Variants in MBTD1 observed in about 807,000 individuals in gnomAD.
The protein encoded by MBTD1 is MBT domain-containing protein 1.
MBTD1 carries 24 observed loss-of-function variants against 87.8 expected under a neutral mutation model. That is an observed-to-expected ratio of 0.27 (90% CI 0.20 to 0.38). MBTD1 has a LOEUF of 0.38. Among genes scored for constraint, MBTD1 ranks in the 10% least tolerant of loss-of-function variants. MBTD1 has a pLI of 1.00. For synonymous variants in MBTD1, 237 were observed against 248.6 expected (o/e 0.95, Z 0.44); for missense variants, 436 against 760.2 (o/e 0.57, Z 5.02).
At chr17:51,229,149 G>C (rs1380886770) in intron 2 of MBTD1, among the ~76,000 whole-genome samples, 1 of 152,162 alleles carries the variant, frequency 6.6e-6, no homozygotes, top group East Asian at 1.9e-4. Context: ...GGGCAACATA[G>C]GGAGACCCTA....
intron 12 of MBTD1, among the ~76,000 whole-genome samples, chr17:51,197,038 CAA>C (rs1491319502): frequency 1.3e-3 from 131 of 103,138 alleles, no homozygotes; most frequent in African/African-American, 3.6e-3. Context: ...ATTATATATA[CAA>C]GATATATATA....
intron 2 of MBTD1, among the ~76,000 whole-genome samples, chr17:51,237,318 AAAAG>A (rs1381211699): frequency 6.6e-6 from 1 of 151,670 alleles, no homozygotes; most frequent in African/African-American, 2.4e-5. Context: ...AAAAAAAAGA[AAAAG>A]AAAAAATTTC....
chr17:51,220,033 G>GA (rs1401989388), intron 4 of MBTD1, among the ~76,000 whole-genome samples: 1 of 152,166 alleles, frequency 6.6e-6, no homozygotes, highest in Non-Finnish European at 1.5e-5. Flanking sequence ...GGGGAAACAG[G>GA]AAAATGTCTT....
chr17:51,194,603 C>G (rs1372322011), intron 13 of MBTD1, among the ~76,000 whole-genome samples: 1 of 110,312 alleles, frequency 9.1e-6, no homozygotes, highest in East Asian at 2.4e-4. Context: ...GTCCACATGG[C>G]TAAGTGTGGT....
intron 2 of MBTD1, chr17:51,250,311 T>C (rs926421218): frequency 2.0e-5 from 3 of 152,162 alleles, no homozygotes; most frequent in African/African-American, 7.2e-5. Flanking sequence ...CTACTATTGG[T>C]TTTAATCTTA....
intron 3 of MBTD1, among the ~76,000 whole-genome samples, 162 bp from the exon 4 acceptor site, chr17:51,220,625 G>A (rs2143620926): frequency 6.6e-6 from 1 of 152,304 alleles, no homozygotes; most frequent in Admixed American, 6.5e-5. Context: ...AGCCTGCACA[G>A]AGAAGTCAGA....
Position 51,192,230 on chromosome 17 carries a change from A to G in MBTD1, c.1741T>C (p.Ser581Pro), listed in dbSNP as rs1309879134. Residue 581 changes from serine (S) to proline (P), a missense_variant, in exon 16 of 17, where the codon TCC becomes CCC. Around this residue, in one of 5 missense-constraint regions of MBTD1, gnomAD observed 80 missense variants for 182.2 expected, o/e 0.44. Transcript: ENST00000586178. ...ASSKQKKKAK[S>P]QQYKGHKKMT... ...TTCTTATGTCCTTTGTATTGCTGGGACTTAGCCTTTTTCTTCTGTTTTGAT... is the reference window on the plus strand; with the variant it reads ...TTCTTATGTCCTTTGTATTGCTGGGGCTTAGCCTTTTTCTTCTGTTTTGAT... 10 of 1,551,212 alleles carry G rather than the reference A, an allele frequency of 6.4e-6. No homozygotes were observed. The African/African-American group carries it at 1.2e-4, about 19-fold the overall frequency.
At chr17:51,251,512 T>C (rs369805528) in intron 2 of MBTD1, 1 of 152,224 alleles carries the variant, frequency 6.6e-6, no homozygotes. Context: ...GGAGCTTTTT[T>C]CAGATTTTCT....
Position 51,201,702 on chromosome 17 carries a change from G to C in MBTD1, c.1120-6C>G, listed in dbSNP as rs2051500924. On this transcript the variant is annotated splice_polypyrimidine_tract_variant and splice_region_variant and intron_variant, in intron 11 of 16. Coordinates refer to ENST00000586178, the MANE Select transcript of MBTD1 (RefSeq NM_017643.3). ...CTCTGGTCTACTTCTTTTACCTAAA[G>C]AATTATATGAAAGCACATCTACTGT... is the stretch of plus-strand genomic sequence containing the variant. 6.7e-7 allele frequency: 1 copy of C among 1,501,518 alleles called. No homozygotes were observed. The highest frequency in any genetic ancestry group is 1.4e-5 in the African/African-American group (1 of 72,282). 93.0% of individuals were successfully genotyped at this position (1,501,518 alleles called of 1,614,324 possible).
rs148852466 is a variant in MBTD1 at position 51,238,716 on chromosome 17, A to G, written c.-48-13507T>C. Among the ~76,000 whole-genome samples the G allele has an allele frequency of 4.6e-5, 7 of 152,362 alleles. No homozygotes were observed. The East Asian group carries it at 1.3e-3, about 29-fold the overall frequency. ...TGCAGGAAACAAAGTTGTATCAGAA[A>G]GGAAACAGTACAGTGACTGGCTGGG... On this transcript the variant is annotated intron_variant, in intron 2 of 16. Coordinates refer to ENST00000586178, the MANE Select transcript of MBTD1 (RefSeq NM_017643.3).
chr17:51,193,664 C>T (rs1165032281), intron 13 of MBTD1, among the ~76,000 whole-genome samples, 154 bp from the exon 14 acceptor site: 2 of 152,182 alleles, frequency 1.3e-5, no homozygotes, highest in Non-Finnish European at 2.9e-5. Flanking sequence ...GTCGCCCAGG[C>T]TGGAGTGCAG....
intron 6 of MBTD1, among the ~76,000 whole-genome samples, chr17:51,216,601 C>CA (rs1242843467): frequency 2.0e-5 from 3 of 151,792 alleles, no homozygotes; most frequent in East Asian, 1.9e-4. Context: ...CATTTGGAGA[C>CA]AAAAAAATTA....
rs1568135540 is a variant in MBTD1, at chr17:51,179,488, A to ATATATATATATATATATATTTATATT, written c.*1087_*1088insAATATAAATATATATATATATATATA. 3.6e-3 allele frequency: 67 copies of ATATATATATATATATATATTTATATT among 18,454 alleles called. 5 individuals carry two copies. Among genetic ancestry groups the ATATATATATATATATATATTTATATT allele is most frequent in the Non-Finnish European group, 5.9e-3 (52 of 8,880 alleles). 1.1% of individuals were successfully genotyped at this position (18,454 alleles called of 1,614,324 possible). ...TGAATACAATTAAAGACAATTTTATATATATATATATATATATATATATAT... is the reference window on the plus strand; with the variant it reads ...TGAATACAATTAAAGACAATTTTATATATATATATATATATATATTTATATTTATATATATATATATATATATATAT... On this transcript the variant is annotated 3_prime_UTR_variant, in exon 17 of 17. Transcript: ENST00000586178.
intron 8 of MBTD1, 114 bp from the exon 9 acceptor site, chr17:51,203,342 A>C (rs1484120179): frequency 1.0e-5 from 6 of 596,044 alleles, no homozygotes; most frequent in Non-Finnish European, 1.7e-5. Context: ...CATTCTGAAA[A>C]GTAACAAATA....
chr17:51,220,591 T>C, intron 3 of MBTD1, 128 bp from the exon 4 acceptor site: 2 of 746,558 alleles, frequency 2.7e-6, no homozygotes, highest in Admixed American at 2.9e-5. Flanking sequence ...ACATTTCTTC[T>C]ATCTCCTATA....
chr17:51,245,437 G>A (rs974539501), intron 2 of MBTD1, among the ~76,000 whole-genome samples: 7 of 152,164 alleles, frequency 4.6e-5, no homozygotes, highest in Non-Finnish European at 8.8e-5. Flanking sequence ...TTGATTATGA[G>A]TCAGAAAATT....
Position 51,217,402 on chromosome 17 carries a change from C to A in MBTD1, c.418G>T (p.Gly140Cys). The A allele has an allele frequency of 6.6e-7, 1 of 1,521,322 alleles. No homozygotes were observed. 94.2% of individuals were successfully genotyped at this position (1,521,322 alleles called of 1,614,324 possible). Residue 140 changes from glycine (G) to cysteine (C), a missense_variant, in exon 6 of 17, where the codon GGT (glycine) becomes TGT (cysteine). Transcript: ENST00000586178. ...TTGATGTAGTTACCCCAGCTGAAAC[C>A]TTCCATGGAGACTGCTAAAATGAAA... ...AKTKAAVSME[G>C]FSWGNYINSN...
At chr17:51,211,848 T>C (rs1054749142) in intron 6 of MBTD1, among the ~76,000 whole-genome samples, 2 of 151,566 alleles carry the variant, frequency 1.3e-5, no homozygotes, top group Non-Finnish European at 2.9e-5. Context: ...AACTGAGAAA[T>C]AGATAATGAG....
intron 6 of MBTD1, among the ~76,000 whole-genome samples, chr17:51,215,563 A>C (rs144179740): frequency 7.4e-4 from 112 of 152,338 alleles, no homozygotes; most frequent in Non-Finnish European, 1.3e-3. Context: ...AACTTAATCT[A>C]ATTCTGAGCG....
Sources: gnomAD v4.1 joint callset for allele counts (sites outside exome capture counted in the v4.1 genomes callset) on GRCh38, gnomAD v4.1.1 for gene constraint, gnomAD v4.1.1 regional missense constraint, MANE v1.5 for transcripts, NCBI Gene and HGNC (gene_info 2026-07-23, HGNC 2026-07-21) for gene names.